Variants in NRG1 observed in about 807,000 individuals in gnomAD.
NRG1 encodes the protein neuregulin 1, also known as pro-neuregulin-1, membrane-bound isoform.
In NRG1, 18 loss-of-function variants were observed where a neutral mutation model predicts 63.8. The ratio of observed to expected loss-of-function variants is 0.28; its 90% CI spans 0.19 to 0.42. The LOEUF is 0.42. Ranked by LOEUF, NRG1 falls within the 10% of genes least tolerant of loss-of-function variation. The pLI is 1.00. For missense variants in NRG1, 762 were observed against 814.7 expected (o/e 0.94, Z 0.79); for synonymous variants, 302 against 301.3 (o/e 1.00, Z -0.02).
intron 1 of NRG1, among the ~76,000 whole-genome samples, chr8:32,444,161 C>A (rs1450799870): frequency 6.6e-6 from 1 of 151,696 alleles, no homozygotes; most frequent in Non-Finnish European, 1.5e-5. Context: ...CTTTGTCACC[C>A]AGGCAGAAGG....
At chr8:32,753,537 T>A (rs1829116918) in intron 7 of NRG1, among the ~76,000 whole-genome samples, 1 of 152,196 alleles carries the variant, frequency 6.6e-6, no homozygotes, top group African/African-American at 2.4e-5. Context: ...CACACATCAT[T>A]TGTACTGGTG....
chr8:31,769,163 CA>C (rs1818371531), intron 1 of NRG1, among the ~76,000 whole-genome samples: 1 of 152,114 alleles, frequency 6.6e-6, no homozygotes, highest in Admixed American at 6.6e-5. Context: ...AAAGCAAATC[CA>C]AAACATTATT....
At chr8:31,781,949 G>A (rs906541229) in intron 1 of NRG1, among the ~76,000 whole-genome samples, 3 of 152,098 alleles carry the variant, frequency 2.0e-5, no homozygotes, top group Non-Finnish European at 4.4e-5. Flanking sequence ...AAGAGGAAGA[G>A]AGTGGGCACT....
intron 1 of NRG1, among the ~76,000 whole-genome samples, chr8:32,291,042 A>T (rs1854135992): frequency 6.6e-6 from 1 of 152,146 alleles, no homozygotes; most frequent in African/African-American, 2.4e-5. Context: ...ACCCAGGAAG[A>T]GCTGACATTT....
intron 1 of NRG1, among the ~76,000 whole-genome samples, chr8:32,385,069 G>C (rs893110511): frequency 2.6e-5 from 4 of 152,200 alleles, no homozygotes; most frequent in Non-Finnish European, 5.9e-5. Context: ...ACCCAGGCTG[G>C]AGTGCGGTGG....
intron 1 of NRG1, among the ~76,000 whole-genome samples, chr8:31,870,239 A>G (rs1401593519): frequency 1.3e-5 from 2 of 152,194 alleles, no homozygotes; most frequent in Non-Finnish European, 2.9e-5. Flanking sequence ...TTAAAAAAAA[A>G]GGAATGTAGT....
At chr8:31,862,388 A>G (rs1828546423) in intron 1 of NRG1, among the ~76,000 whole-genome samples, 1 of 152,202 alleles carries the variant, frequency 6.6e-6, no homozygotes, top group South Asian at 2.1e-4. Context: ...AGAGAGGAAA[A>G]TAGTCAATCT....
intron 1 of NRG1, among the ~76,000 whole-genome samples, chr8:31,775,332 G>A (rs1018591910): frequency 1.3e-5 from 2 of 152,180 alleles, no homozygotes; most frequent in Non-Finnish European, 2.9e-5. Context: ...CTAAGTGAAA[G>A]AACTCAGAAA....
At position 31,878,956 on chromosome 8, in the gene NRG1, C is replaced by T. The variant is rs375584956; in HGVS notation, c.37+239525C>T. ...CGGAGCTTGCAGTGAGCCGAGATCG[C>T]GCTACTGCACTCCAGCCTGGGCGAC... On this transcript the variant is annotated intron_variant, in intron 1 of 10. Coordinates refer to the NRG1 transcript ENST00000519301. 2.6e-5 allele frequency among the ~76,000 whole-genome samples: 4 copies of T among 151,846 alleles called. No homozygotes were observed. The East Asian group carries it at 5.8e-4, about 22-fold the overall frequency.
Position 31,989,253 on chromosome 8 carries a change from C to CAAAAAAAAAAAAAAAAA in NRG1, c.37+349826_37+349842dup, listed in dbSNP as rs10692906. On this transcript the variant is annotated intron_variant, in intron 1 of 10. Coordinates refer to the NRG1 transcript ENST00000519301. ...CCTGGGTGAGAGAGAGACTCTGTCT[C>CAAAAAAAAAAAAAAAAA]AAAAAAAAAAAAAAAAAAAAGAACA... Among the ~76,000 whole-genome samples the CAAAAAAAAAAAAAAAAA allele has an allele frequency of 6.9e-4, 33 of 47,518 alleles. 3 individuals are homozygous for CAAAAAAAAAAAAAAAAA. The highest frequency in any genetic ancestry group is 2.3e-3 in the African/African-American group (21 of 9,084). 31.2% of individuals were successfully genotyped at this position (47,518 alleles called of 152,430 possible).
chr8:31,967,181 G>A (rs182862266), intron 1 of NRG1, among the ~76,000 whole-genome samples: 50 of 152,204 alleles, frequency 3.3e-4, no homozygotes, highest in Non-Finnish European at 5.6e-4. Flanking sequence ...AAAATGGAAA[G>A]GATGTAACTA....
intron 1 of NRG1, among the ~76,000 whole-genome samples, chr8:32,525,396 G>A (rs1335521395): frequency 8.2e-6 from 1 of 122,356 alleles, no homozygotes; most frequent in Non-Finnish European, 1.9e-5. Context: ...GTAGGGGTGT[G>A]TGTGTGTGTG....
At chr8:32,082,202 G>GTT (rs11385699) in intron 1 of NRG1, among the ~76,000 whole-genome samples, 9,503 of 147,652 alleles carry the variant, frequency 0.064, 885 homozygotes, top group African/African-American at 0.2. Flanking sequence ...CAACCTAGTG[G>GTT]TTTTTTTTTT....
intron 1 of NRG1, among the ~76,000 whole-genome samples, chr8:32,256,136 C>T (rs6985377): frequency 0.42 from 63,385 of 151,838 alleles, 13,817 homozygotes; most frequent in Admixed American, 0.48. Context: ...TCTTACCTTC[C>T]TTGCATTGGG....
rs770519581 is a variant in NRG1 at position 31,640,283 on chromosome 8, AGGC to A, written c.37+867_37+869del. On this transcript the variant is annotated intron_variant, in intron 1 of 10. Coordinates refer to the NRG1 transcript ENST00000519301. This position sits in a 1 kb window ranked among gnomAD's most constrained non-coding sequence, Gnocchi z 6.3. ...CGGCAGCAGGGGGCACTCGACAGGA[AGGC>A]GGCGGCGGCGGCGGGCGAGGCAGGG... The A allele has an allele frequency of 9.4e-4, 1,038 of 1,108,428 alleles. No individual in the cohort carries two copies. Among genetic ancestry groups the A allele is most frequent in the East Asian group, 4.8e-3 (102 of 21,174 alleles). 68.7% of individuals were successfully genotyped at this position (1,108,428 alleles called of 1,614,324 possible). A position where few individuals can be genotyped will look rare whatever the true frequency, so the allele number is the denominator to read the frequency against.
At chr8:32,532,079 T>C (rs763272245) in intron 1 of NRG1, among the ~76,000 whole-genome samples, 1 of 152,270 alleles carries the variant, frequency 6.6e-6, no homozygotes, top group Middle Eastern at 3.4e-3. Flanking sequence ...CAGTAAACCT[T>C]CTCTTTTGTG....
chr8:31,858,868 A>G (rs1450254566), intron 1 of NRG1, among the ~76,000 whole-genome samples: 11 of 152,188 alleles, frequency 7.2e-5, no homozygotes, highest in Non-Finnish European at 1.5e-4. Context: ...CTCATTTGCC[A>G]TATTCACCTG....
At chr8:31,955,225 T>C (rs1563613407) in intron 1 of NRG1, among the ~76,000 whole-genome samples, 1 of 152,052 alleles carries the variant, frequency 6.6e-6, no homozygotes, top group Non-Finnish European at 1.5e-5. Context: ...AAAATAAAAG[T>C]CATATAAGAG....
At chr8:32,639,209 C>T (rs1027129299) in intron 5 of NRG1, among the ~76,000 whole-genome samples, 1 of 152,026 alleles carries the variant, frequency 6.6e-6, no homozygotes, top group Non-Finnish European at 1.5e-5. Context: ...AGTTGGAGAC[C>T]AGCCTGGCCA....
Sources: gnomAD v4.1 joint callset for allele counts (sites outside exome capture counted in the v4.1 genomes callset) on GRCh38, gnomAD v4.1.1 for gene constraint, Gnocchi (gnomAD v3.1) non-coding constraint, MANE v1.5 for transcripts, NCBI Gene and HGNC (gene_info 2026-07-23, HGNC 2026-07-21) for gene names.